Variants in XYLT1 observed in about 807,000 individuals in gnomAD.
The protein encoded by XYLT1 is beta-D-xylosyltransferase 1.
A neutral mutation model predicts 91.3 loss-of-function variants in XYLT1; 36 were observed. That is an observed-to-expected ratio of 0.39 (90% CI 0.30 to 0.52). The LOEUF is 0.52. Ranked by LOEUF, XYLT1 falls within the 20% of genes least tolerant of loss-of-function variation. XYLT1 has a pLI of 0.68. For missense variants in XYLT1, 1,242 were observed against 1,284.5 expected, an observed-to-expected ratio of 0.97 and a Z score of 0.51; for synonymous variants, 588 against 532.0, an observed-to-expected ratio of 1.11 and a Z score of -1.45.
At chr16:17,125,478 T>C (rs148253732) in intron 10 of XYLT1, among the ~76,000 whole-genome samples, 65 of 152,234 alleles carry the variant, frequency 4.3e-4, no homozygotes, top group African/African-American at 1.5e-3. Flanking sequence ...ACCCAGTACA[T>C]TGGTCTCCCT....
At chr16:17,361,369 T>C (rs1472068211) in intron 1 of XYLT1, among the ~76,000 whole-genome samples, 1 of 152,242 alleles carries the variant, frequency 6.6e-6, no homozygotes, top group Admixed American at 6.5e-5. Context: ...GCTTGTTGTT[T>C]CAAGCCACTG....
At chr16:17,185,313 T>C (rs1214490320) in intron 5 of XYLT1, among the ~76,000 whole-genome samples, 2 of 152,276 alleles carry the variant, frequency 1.3e-5, no homozygotes, top group African/African-American at 4.8e-5. Context: ...ATTACTGGCA[T>C]GTTTTTCCAG....
At chr16:17,302,438 C>A (rs12443624) in intron 2 of XYLT1, among the ~76,000 whole-genome samples, 21,757 of 152,012 alleles carry the variant, frequency 0.14, 1,795 homozygotes, top group South Asian at 0.21. Flanking sequence ...CTTGTGAGGC[C>A]CTCTGGAGAA....
At chr16:17,285,742 A>G (rs2034125539) in intron 2 of XYLT1, among the ~76,000 whole-genome samples, 2 of 151,800 alleles carry the variant, frequency 1.3e-5, no homozygotes, top group South Asian at 4.2e-4. Context: ...ACTTTTACCA[A>G]CTCCACTACA....
At chr16:17,136,724 C>T (rs748909326) in intron 8 of XYLT1, among the ~76,000 whole-genome samples, 31 of 152,198 alleles carry the variant, frequency 2.0e-4, no homozygotes, top group African/African-American at 5.3e-4. Context: ...AAGTTCTTCG[C>T]GCAAGAACTC....
chr16:17,181,315 C>A (rs2032062253), intron 5 of XYLT1, among the ~76,000 whole-genome samples: 1 of 152,102 alleles, frequency 6.6e-6, no homozygotes, highest in South Asian at 2.1e-4. Context: ...CCTGCCCAAT[C>A]TGCATTTCTG....
intron 3 of XYLT1, among the ~76,000 whole-genome samples, chr16:17,249,093 G>A (rs1439463170): frequency 6.6e-6 from 1 of 152,126 alleles, no homozygotes; most frequent in Non-Finnish European, 1.5e-5. Context: ...AGCTCCCTGA[G>A]GACGGGGATT....
At chr16:17,269,165 TTTTCTTTC>T (rs748864423) in intron 2 of XYLT1, among the ~76,000 whole-genome samples, 1 of 152,078 alleles carries the variant, frequency 6.6e-6, no homozygotes, top group East Asian at 1.9e-4. Flanking sequence ...TTGTTTTTCT[TTTTCTTTC>T]TTTCTTTCTT....
chr16:17,118,076 C>T, intron 10 of XYLT1, 97 bp from the exon 11 acceptor site: 1 of 1,262,474 alleles, frequency 7.9e-7, no homozygotes, highest in Admixed American at 2.6e-5. Flanking sequence ...TTCATATACC[C>T]ATTTTACAGA....
chr16:17,170,838 T>G (rs1489136602), intron 5 of XYLT1, among the ~76,000 whole-genome samples: 1 of 152,202 alleles, frequency 6.6e-6, no homozygotes, highest in African/African-American at 2.4e-5. Context: ...TTGCAGTGGT[T>G]AAAATAATGC....
intron 1 of XYLT1, among the ~76,000 whole-genome samples, chr16:17,364,236 G>C (rs2035419563): frequency 1.3e-5 from 2 of 152,108 alleles, no homozygotes; most frequent in South Asian, 4.1e-4. Flanking sequence ...TAAACAGGTA[G>C]GATTATACTT....
intron 6 of XYLT1, among the ~76,000 whole-genome samples, chr16:17,148,894 C>T (rs773649734): frequency 6.6e-6 from 1 of 152,218 alleles, no homozygotes; most frequent in Non-Finnish European, 1.5e-5. Context: ...TGCCAGACCT[C>T]TGGAAGATAT....
chr16:17,311,524 C>T (rs548336123), intron 2 of XYLT1, among the ~76,000 whole-genome samples: 3 of 152,138 alleles, frequency 2.0e-5, no homozygotes, highest in Non-Finnish European at 2.9e-5. Context: ...GACCACGCTT[C>T]GAGAACAGCT....
intron 3 of XYLT1, among the ~76,000 whole-genome samples, chr16:17,232,067 A>AT (rs1459272522): frequency 3.4e-5 from 5 of 147,838 alleles, no homozygotes; most frequent in Admixed American, 2.7e-4. Flanking sequence ...GTCCCGTAAG[A>AT]TATTATAATC....
intron 3 of XYLT1, among the ~76,000 whole-genome samples, chr16:17,254,862 G>A (rs1374969639): frequency 6.6e-6 from 1 of 152,174 alleles, no homozygotes; most frequent in African/African-American, 2.4e-5. Context: ...CAAGGAGGTT[G>A]GCACCCCTAA....
At chr16:17,182,350 T>C (rs2032088764) in intron 5 of XYLT1, among the ~76,000 whole-genome samples, 1 of 152,186 alleles carries the variant, frequency 6.6e-6, no homozygotes, top group South Asian at 2.1e-4. Flanking sequence ...AAGGCCACCT[T>C]CTTGCTCTGT....
intron 1 of XYLT1, among the ~76,000 whole-genome samples, chr16:17,370,620 C>T (rs901458571): frequency 1.3e-5 from 2 of 152,190 alleles, no homozygotes; most frequent in African/African-American, 4.8e-5. Flanking sequence ...AGAACACGAT[C>T]TTCATGGGCT....
intron 2 of XYLT1, among the ~76,000 whole-genome samples, chr16:17,276,855 C>T (rs538004085): frequency 6.6e-6 from 1 of 152,296 alleles, no homozygotes; most frequent in African/African-American, 2.4e-5. Flanking sequence ...TTTCCTCCTA[C>T]GTAAACTATC....
chr16:17,355,531 A>G (rs2035282635), intron 2 of XYLT1: 1 of 152,206 alleles, frequency 6.6e-6, no homozygotes, highest in South Asian at 2.1e-4. Flanking sequence ...TAGCACACAC[A>G]TCTCTGATAG....
Sources: gnomAD v4.1 joint callset for allele counts (sites outside exome capture counted in the v4.1 genomes callset) on GRCh38, gnomAD v4.1.1 for gene constraint, MANE v1.5 for transcripts, NCBI Gene and HGNC (gene_info 2026-07-23, HGNC 2026-07-21) for gene names.